The following GLIS3 variants were observed in gnomAD, a reference collection of about 807,000 sequenced individuals.
The protein encoded by GLIS3 is zinc finger protein GLIS3.
In GLIS3, 53 loss-of-function variants were observed where a neutral mutation model predicts 78.6. The observed-to-expected ratio is 0.67, with a 90% CI of 0.54 to 0.85. The LOEUF is 0.85. Ranked by LOEUF, GLIS3 falls within the 40% of genes least tolerant of loss-of-function variation. The pLI, the probability that GLIS3 is intolerant of heterozygous loss-of-function variation, is 0.00. For synonymous variants in GLIS3, 684 were observed against 509.9 expected, an observed-to-expected ratio of 1.34 and a Z score of -4.60; for missense variants, 1,703 against 1,231.1, an observed-to-expected ratio of 1.38 and a Z score of -5.74.
intron 2 of GLIS3, among the ~76,000 whole-genome samples, chr9:4,198,672 T>C (rs1337679341): frequency 6.6e-6 from 1 of 152,134 alleles, no homozygotes; most frequent in Non-Finnish European, 1.5e-5. Context: ...TCCCCAATCT[T>C]GCTAGAGAGG....
At chr9:4,451,019 G>A in the GLIS3 span, among the ~76,000 whole-genome samples, 6 of 152,168 alleles carry the variant, frequency 3.9e-5, no homozygotes, top group African/African-American at 1.4e-4. Flanking sequence ...AAATGTAAAT[G>A]GGCTAAATGC....
chr9:4,231,132 T>C (rs140620601), intron 2 of GLIS3, among the ~76,000 whole-genome samples: 3 of 151,920 alleles, frequency 2.0e-5, no homozygotes, highest in Non-Finnish European at 4.4e-5. Flanking sequence ...TAAAGAAGCA[T>C]CCATTTAAAC....
chr9:4,298,601 G>A (rs140939708), intron 1 of GLIS3: 12 of 280,938 alleles, frequency 4.3e-5, no homozygotes, highest in Admixed American at 1.4e-4. Context: ...GTCATTTATA[G>A]GGACTGGAGC....
chr9:4,296,892 G>A (rs968890243), intron 1 of GLIS3, among the ~76,000 whole-genome samples: 1 of 114,074 alleles, frequency 8.8e-6, no homozygotes, highest in Admixed American at 1.1e-4. Flanking sequence ...ACCTCAGCTT[G>A]TTCTCAATTG....
chr9:4,242,331 G>A (rs1429626180), intron 2 of GLIS3, among the ~76,000 whole-genome samples: 7 of 152,102 alleles, frequency 4.6e-5, no homozygotes, highest in Admixed American at 4.6e-4. Flanking sequence ...TAGAAAACCT[G>A]CCCAGGTTTG....
chr9:4,273,633 A>G (rs910269752), intron 2 of GLIS3, among the ~76,000 whole-genome samples: 1 of 139,106 alleles, frequency 7.2e-6, no homozygotes, highest in Admixed American at 7.2e-5. Flanking sequence ...ATAAATAAAT[A>G]AATGTATTTT....
chr9:4,098,897 T>C (rs779500120), intron 4 of GLIS3, among the ~76,000 whole-genome samples: 2 of 152,124 alleles, frequency 1.3e-5, no homozygotes, highest in Non-Finnish European at 1.5e-5. Context: ...GATACTCACA[T>C]CCAGGTCTCA....
At chr9:4,321,163 G>A (rs928859447) in intron 2 of GLIS3, among the ~76,000 whole-genome samples, 2 of 151,296 alleles carry the variant, frequency 1.3e-5, no homozygotes, top group African/African-American at 2.4e-5. Context: ...GCTCACGCCT[G>A]TAATCCCAGC....
chr9:4,224,101 A>G (rs1821558503), intron 2 of GLIS3, among the ~76,000 whole-genome samples: 1 of 152,118 alleles, frequency 6.6e-6, no homozygotes, highest in Admixed American at 6.5e-5. Context: ...AAAGCTTGCA[A>G]ATCACACACA....
chr9:4,108,218 G>T (rs914564769), intron 4 of GLIS3, among the ~76,000 whole-genome samples: 2 of 152,124 alleles, frequency 1.3e-5, no homozygotes, highest in African/African-American at 4.8e-5. Flanking sequence ...TAAGGAAGAG[G>T]TTTAATACTT....
At chr9:4,389,780 G>A in the GLIS3 span, among the ~76,000 whole-genome samples, 2 of 152,210 alleles carry the variant, frequency 1.3e-5, no homozygotes, top group African/African-American at 4.8e-5. Context: ...AGATGTCCAA[G>A]AGGGAGTGAA....
intron 2 of GLIS3, among the ~76,000 whole-genome samples, chr9:4,255,170 C>T (rs1054613194): frequency 1.3e-5 from 2 of 152,184 alleles, no homozygotes; most frequent in African/African-American, 2.4e-5. Context: ...GATACCATTA[C>T]ACACCTATCA....
the GLIS3 span, among the ~76,000 whole-genome samples, chr9:4,360,197 C>T: frequency 6.6e-6 from 1 of 152,170 alleles, no homozygotes; most frequent in Non-Finnish European, 1.5e-5. Flanking sequence ...CATCACCCAA[C>T]CGCCTGACCC....
At chr9:4,205,667 C>A (rs540457500) in intron 2 of GLIS3, among the ~76,000 whole-genome samples, 38 of 152,288 alleles carry the variant, frequency 2.5e-4, no homozygotes, top group African/African-American at 8.2e-4. Context: ...ATTTCAGGCA[C>A]TGGATCAAAC....
chr9:4,488,464 G>T, the GLIS3 span, among the ~76,000 whole-genome samples: 3 of 151,574 alleles, frequency 2.0e-5, no homozygotes, highest in African/African-American at 7.3e-5. Flanking sequence ...GGACATTTGC[G>T]TTTTTTCCAG....
chr9:4,050,849 G>T (rs147467943), intron 4 of GLIS3, among the ~76,000 whole-genome samples: 2 of 152,154 alleles, frequency 1.3e-5, no homozygotes, highest in Admixed American at 6.5e-5. Context: ...GGGCCTCCAC[G>T]TAAGAGGAGA....
intron 1 of GLIS3, among the ~76,000 whole-genome samples, chr9:4,295,850 T>C (rs1045992183): frequency 1.3e-4 from 20 of 152,232 alleles, no homozygotes; most frequent in African/African-American, 4.8e-4. Context: ...GACTTGGACA[T>C]CTTTTAATCA....
intron 6 of GLIS3, among the ~76,000 whole-genome samples, chr9:3,902,805 C>T (rs1024014396): frequency 3.3e-5 from 5 of 152,118 alleles, no homozygotes; most frequent in East Asian, 1.9e-4. Context: ...GTGGAAACAG[C>T]GAATTATAAA....
chr9:4,423,927 C>T, the GLIS3 span, among the ~76,000 whole-genome samples: 25,159 of 152,126 alleles, frequency 0.17, 2,289 homozygotes, highest in Middle Eastern at 0.23. Flanking sequence ...GAGCTGATGA[C>T]CAAACAATGA....
Sources: gnomAD v4.1 joint callset for allele counts (sites outside exome capture counted in the v4.1 genomes callset) on GRCh38, gnomAD v4.1.1 for gene constraint, MANE v1.5 for transcripts, NCBI Gene and HGNC (gene_info 2026-07-23, HGNC 2026-07-21) for gene names.